CALCRL: variants seen among roughly 807,000 people sequenced by gnomAD.
The protein encoded by CALCRL is calcitonin receptor like receptor, also known as calcitonin gene-related peptide type 1 receptor.
In CALCRL, 27 loss-of-function variants were observed where a neutral mutation model predicts 60.4. The ratio of observed to expected loss-of-function variants is 0.45; its 90% CI spans 0.33 to 0.62. CALCRL has a LOEUF of 0.62. CALCRL is among the 20% of genes least tolerant of loss of function. CALCRL has a pLI of 0.03. For synonymous variants in CALCRL, 190 were observed against 182.6 expected, an observed-to-expected ratio of 1.04 and a Z score of -0.33; for missense variants, 424 against 540.7, an observed-to-expected ratio of 0.78 and a Z score of 2.14.
At chr2:187,377,177 A>G (rs1687792953) in intron 8 of CALCRL, among the ~76,000 whole-genome samples, 1 of 152,170 alleles carries the variant, frequency 6.6e-6, no homozygotes, top group African/African-American at 2.4e-5. Flanking sequence ...TGGCAAAATC[A>G]GGTCAATATT....
chr2:187,352,105 AT>A lies in CALCRL; in HGVS notation c.1128+8del. On this transcript the variant is annotated splice_region_variant and intron_variant, in intron 13 of 14. Transcript: ENST00000392370. ...TTCTCAAGCTGCCTTCTTATCAAGA[AT>A]GCCATACCTGGAAGTGCATAAGGAT... The A allele has an allele frequency of 6.2e-7, 1 of 1,610,234 alleles. No individual in the cohort carries two copies. Among genetic ancestry groups the A allele is most frequent in the Non-Finnish European group, 8.5e-7 (1 of 1,176,970 alleles).
At chr2:187,402,440 T>TGA (rs144627472) in intron 1 of CALCRL, among the ~76,000 whole-genome samples, 91 of 149,066 alleles carry the variant, frequency 6.1e-4, no homozygotes, top group Admixed American at 1.7e-3. Flanking sequence ...TGTGTGTATG[T>TGA]GAGAGAGAGA....
At chr2:187,401,972 G>A (rs1409848169) in intron 1 of CALCRL, among the ~76,000 whole-genome samples, 2 of 151,290 alleles carry the variant, frequency 1.3e-5, no homozygotes, top group Non-Finnish European at 3.0e-5. Flanking sequence ...AGAAGGGAAG[G>A]AAGGAAGAAA....
chr2:187,373,021 A>T (rs1305786907), intron 8 of CALCRL, among the ~76,000 whole-genome samples: 2 of 152,094 alleles, frequency 1.3e-5, no homozygotes, highest in Non-Finnish European at 2.9e-5. Context: ...TTCTTTGTTG[A>T]TGGAGACAAA....
intron 1 of CALCRL, among the ~76,000 whole-genome samples, chr2:187,413,918 T>C (rs1442428917): frequency 6.6e-6 from 1 of 152,168 alleles, no homozygotes; most frequent in Non-Finnish European, 1.5e-5. Flanking sequence ...TCTGTGTCTA[T>C]GTAACTTGGG....
At chr2:187,390,312 A>G (rs1688383422) in intron 1 of CALCRL, among the ~76,000 whole-genome samples, 1 of 152,172 alleles carries the variant, frequency 6.6e-6, no homozygotes, top group South Asian at 2.1e-4. Flanking sequence ...AAGTATATAT[A>G]TTTAAATATG....
chr2:187,367,126 C>G (rs1459435821), intron 8 of CALCRL, among the ~76,000 whole-genome samples: 1 of 152,010 alleles, frequency 6.6e-6, no homozygotes, highest in East Asian at 1.9e-4. Context: ...TAAGAAGATG[C>G]ATTAAATAAT....
chr2:187,391,750 C>A (rs1688456163), intron 1 of CALCRL, among the ~76,000 whole-genome samples: 2 of 151,922 alleles, frequency 1.3e-5, no homozygotes, highest in African/African-American at 4.8e-5. Context: ...CTTTGGCCCC[C>A]AATATCTTCA....
At chr2:187,364,040 A>G (rs1687172128) in intron 8 of CALCRL, among the ~76,000 whole-genome samples, 2 of 152,238 alleles carry the variant, frequency 1.3e-5, no homozygotes, top group Non-Finnish European at 2.9e-5. Context: ...ATAAAAATGT[A>G]AATTTAGCAA....
chr2:187,355,935 A>G (rs949096053), intron 12 of CALCRL, among the ~76,000 whole-genome samples: 5 of 152,172 alleles, frequency 3.3e-5, no homozygotes, highest in African/African-American at 7.2e-5. Context: ...TAGGAATACA[A>G]CTTCCAAGGG....
rs776819565 is a variant in CALCRL at position 187,359,145 on chromosome 2, T to G, written c.843-16A>C. 1.2e-5 allele frequency: 19 copies of G among 1,608,680 alleles called. No homozygotes were observed. Among genetic ancestry groups the G allele is most frequent in the Non-Finnish European group, 1.6e-5 (19 of 1,176,106 alleles). Reference sequence around the variant, plus strand: ...GATCCAGCAACTAGAGAAAACATAATAACATTATGTTGAAAATTTTTATTT... The same window carrying G: ...GATCCAGCAACTAGAGAAAACATAAGAACATTATGTTGAAAATTTTTATTT... On this transcript the variant is annotated splice_polypyrimidine_tract_variant and intron_variant, in intron 11 of 14. Coordinates refer to ENST00000392370, the MANE Select transcript of CALCRL (RefSeq NM_005795.6).
chr2:187,379,028 C>T lies in CALCRL; in HGVS notation c.412G>A (p.Ala138Thr). The change falls in exon 8 of 15, where the codon GCA becomes ACA. Residue 138 changes from alanine (A) to threonine (T), a missense_variant. By Grantham distance (58) the Ala-to-Thr change is moderately conservative (BLOSUM62 0). Coordinates refer to ENST00000392370, the MANE Select transcript of CALCRL (RefSeq NM_005795.6). ...NVNTHEKVKT[A>T]LNLFYLTIIG... ...ATGGTCAGGTAAAACAAATTTAGTG[C>T]AGTCTGTAATTTGTATAAACAAAAA... 1 of 1,594,556 alleles carries T rather than the reference C, an allele frequency of 6.3e-7. No homozygotes were observed. The highest frequency in any genetic ancestry group is 8.6e-7 in the Non-Finnish European group (1 of 1,164,798).
At chr2:187,429,054 A>T (rs1355811469) in intron 1 of CALCRL, among the ~76,000 whole-genome samples, 1 of 152,092 alleles carries the variant, frequency 6.6e-6, no homozygotes, top group African/African-American at 2.4e-5. Flanking sequence ...GAAATTTATA[A>T]GTTAATATCT....
chr2:187,407,741 CA>C lies in CALCRL; in HGVS notation c.-292-19986del, dbSNP rs1466384661. On this transcript the variant is annotated intron_variant, in intron 1 of 14. Coordinates refer to ENST00000392370, the MANE Select transcript of CALCRL (RefSeq NM_005795.6). ...TTGACACTAAATCTTTCCTTAGCAA[CA>C]AGTACATATTTAGGTAACATATTGC... Among the ~76,000 whole-genome samples the C allele has an allele frequency of 2.6e-5, 4 of 151,950 alleles. No homozygotes were observed. The East Asian group carries it at 7.7e-4, about 29-fold the overall frequency.
intron 1 of CALCRL, among the ~76,000 whole-genome samples, chr2:187,445,192 A>C (rs1230278251): frequency 6.6e-6 from 1 of 151,614 alleles, no homozygotes; most frequent in African/African-American, 2.4e-5. Context: ...GATACGTTAC[A>C]CACTTGACTC....
In CALCRL at chr2:187,358,473, A is replaced by G. The variant is rs1253050867; in HGVS notation, c.909+590T>C. Reference sequence around the variant, plus strand: ...CTCACATTAACTGATAATAATTATAATGTAAAATTTGCATAGGTATTTTGT... The same window carrying G: ...CTCACATTAACTGATAATAATTATAGTGTAAAATTTGCATAGGTATTTTGT... On this transcript the variant is annotated intron_variant, in intron 12 of 14. Transcript: ENST00000392370. Among the ~76,000 whole-genome samples, 3 of 152,256 alleles carry G rather than the reference A, an allele frequency of 2.0e-5. No individual in the cohort carries two copies. The East Asian group carries it at 5.8e-4, about 29-fold the overall frequency.
chr2:187,414,640 C>T (rs1024220440), intron 1 of CALCRL, among the ~76,000 whole-genome samples: 4 of 151,990 alleles, frequency 2.6e-5, no homozygotes, highest in African/African-American at 9.7e-5. Flanking sequence ...TCATGATATG[C>T]CATCTTCTAT....
intron 1 of CALCRL, among the ~76,000 whole-genome samples, chr2:187,446,062 T>C (rs980071965): frequency 4.0e-5 from 6 of 151,642 alleles, no homozygotes; most frequent in African/African-American, 1.4e-4. Context: ...ATTATCTCTT[T>C]AAGAAATAGA....
chr2:187,362,575 G>GACACAC (rs3836102), intron 9 of CALCRL, among the ~76,000 whole-genome samples: 48,201 of 151,194 alleles, frequency 0.32, 7,828 homozygotes, highest in Middle Eastern at 0.42. Context: ...ACTTTATATA[G>GACACAC]ACACACACAC....
Sources: allele counts gnomAD v4.1 joint callset (sites outside exome capture counted in the v4.1 genomes callset), GRCh38; gene constraint gnomAD v4.1.1; transcripts MANE v1.5; gene names NCBI Gene and HGNC (gene_info 2026-07-23, HGNC 2026-07-21).